The following METAP1D variants were observed in gnomAD, a reference collection of about 807,000 sequenced individuals.
The protein encoded by METAP1D is methionyl aminopeptidase type 1D, mitochondrial.
Under a neutral mutation model 40.5 loss-of-function variants are expected in METAP1D, and 31 were observed. The observed-to-expected ratio is 0.77, with a 90% CI of 0.58 to 1.03. The LOEUF is 1.03. METAP1D is among the 50% of genes least tolerant of loss of function. The pLI, the probability that METAP1D is intolerant of heterozygous loss-of-function variation, is 0.00. For missense variants in METAP1D, 411 were observed against 420.7 expected (o/e 0.98, Z 0.20); for synonymous variants, 151 against 146.4 (o/e 1.03, Z -0.22).
At chr2:172,072,678 CT>C (rs1465659759) in intron 6 of METAP1D, among the ~76,000 whole-genome samples, 1 of 151,826 alleles carries the variant, frequency 6.6e-6, no homozygotes, top group Non-Finnish European at 1.5e-5. Context: ...CCCTTTTTGT[CT>C]CTTCTTCCAT....
chr2:172,012,573 A>G (rs62183807), intron 1 of METAP1D, among the ~76,000 whole-genome samples: 36,207 of 152,156 alleles, frequency 0.24, 4,983 homozygotes, highest in Middle Eastern at 0.38. Context: ...CACTTTAAAG[A>G]AAAATCACAG....
At chr2:172,027,853 G>C (rs1334660816) in intron 1 of METAP1D, among the ~76,000 whole-genome samples, 1 of 152,156 alleles carries the variant, frequency 6.6e-6, no homozygotes, top group African/African-American at 2.4e-5. Flanking sequence ...AGAAAGTAAA[G>C]TCTAAACTAT....
rs1461260687 is a variant in METAP1D, at chr2:172,080,137, TCA to T, written c.862_863del (p.Thr288GlyfsTer5). 1.2e-6 allele frequency: 2 copies of T among 1,613,982 alleles called. No homozygotes were observed. Among genetic ancestry groups the T allele is most frequent in the African/African-American group, 1.3e-5 (1 of 74,942 alleles). On this transcript the variant is annotated frameshift_variant, in exon 9 of 10. Coordinates refer to ENST00000315796, the MANE Select transcript of METAP1D (RefSeq NM_199227.3). LOFTEE classifies it high-confidence loss of function. ...ATTTTTCCTCTTACAGAGCCAATCA[TCA>T]CGGAGGGATCCCCTGAATTTAAAGT...
chr2:172,063,836 C>G lies in METAP1D; in HGVS notation c.324C>G (p.Leu108=), dbSNP rs1367882116. Residue 108 remains leucine (L), a synonymous_variant, in exon 3 of 10, where the codon CTC becomes CTG. Transcript: ENST00000315796. The part of the protein sequence containing the change: ...HQACQLARHV[L]LLAGKSLKVD... Reference sequence around the variant, plus strand: ...CTTGTCAGCTGGCCCGCCACGTCCTCCTCTTGGCTGGGAAGAGTTTAAAGG... The same window carrying G: ...CTTGTCAGCTGGCCCGCCACGTCCTGCTCTTGGCTGGGAAGAGTTTAAAGG... The G allele has an allele frequency of 1.2e-6, 2 of 1,613,056 alleles. No individual in the cohort carries two copies. The highest frequency in any genetic ancestry group is 1.7e-6 in the Non-Finnish European group (2 of 1,179,626).
At chr2:172,003,721 T>C (rs1038981756) in intron 1 of METAP1D, among the ~76,000 whole-genome samples, 4 of 152,150 alleles carry the variant, frequency 2.6e-5, no homozygotes, top group African/African-American at 9.7e-5. Context: ...AATTTCTTCA[T>C]AGCAGTGTGA....
At chr2:172,016,327 AT>A (rs1688863487) in intron 1 of METAP1D, among the ~76,000 whole-genome samples, 3 of 101,862 alleles carry the variant, frequency 2.9e-5, no homozygotes, top group South Asian at 3.9e-4. Flanking sequence ...ATATATATAT[AT>A]ATAAATAGTC....
intron 3 of METAP1D, among the ~76,000 whole-genome samples, chr2:172,064,619 CA>C (rs35487971): frequency 0.35 from 36,461 of 103,102 alleles, 4,564 homozygotes; most frequent in East Asian, 0.6. Context: ...GACTCCATCT[CA>C]AAAAAAAAAA....
rs1175882141 is a variant in METAP1D, at chr2:172,080,902, C to G, written c.*496C>G. The G allele has an allele frequency of 5.8e-6, 1 of 172,768 alleles. No individual in the cohort carries two copies. The allele number at this position is 172,768 out of a possible 1,614,324, so 10.7% of individuals were successfully genotyped here. A position where few individuals can be genotyped will look rare whatever the true frequency, so the allele number is the denominator to read the frequency against. On this transcript the variant is annotated 3_prime_UTR_variant, in exon 10 of 10. Transcript: ENST00000315796. ...CTCCCTTTTGTGTATTCCATATTGGCCGGCCCCAAGGATGCTCGCAGAAGC... is the reference window on the plus strand; with the variant it reads ...CTCCCTTTTGTGTATTCCATATTGGGCGGCCCCAAGGATGCTCGCAGAAGC...
intron 1 of METAP1D, among the ~76,000 whole-genome samples, chr2:172,002,743 A>G (rs1688494433): frequency 6.6e-6 from 1 of 152,114 alleles, no homozygotes; most frequent in Non-Finnish European, 1.5e-5. Context: ...TCCTCTCTCC[A>G]CCCTCTTCCT....
At chr2:172,024,437 G>A (rs1279950466) in intron 1 of METAP1D, among the ~76,000 whole-genome samples, 1 of 151,976 alleles carries the variant, frequency 6.6e-6, no homozygotes, top group African/African-American at 2.4e-5. Flanking sequence ...AGGCCCAGGG[G>A]GTCTTTACAA....
chr2:172,059,887 A>G (rs1690095008), intron 1 of METAP1D, among the ~76,000 whole-genome samples: 1 of 152,090 alleles, frequency 6.6e-6, no homozygotes, highest in African/African-American at 2.4e-5. Flanking sequence ...CGTCTCTACT[A>G]AAAATACAAA....
chr2:172,063,649 A>G, intron 2 of METAP1D, 62 bp from the exon 3 acceptor site: 1 of 1,320,872 alleles, frequency 7.6e-7, no homozygotes, highest in Middle Eastern at 2.0e-4. Context: ...CTGTGTCTGA[A>G]AAAATGATCC....
At position 172,079,310 on chromosome 2, in the gene METAP1D, C is replaced by T. The variant is rs183654210; in HGVS notation, c.850+48C>T. Reference sequence around the variant, plus strand: ...GTGAGTGCGTAGCTCCTGGTGGAAGCTTTTGCCACTGGCCTAGGCCCGGCA... The same window carrying T: ...GTGAGTGCGTAGCTCCTGGTGGAAGTTTTTGCCACTGGCCTAGGCCCGGCA... On this transcript the variant is annotated intron_variant, in intron 8 of 9. Coordinates refer to ENST00000315796, the MANE Select transcript of METAP1D (RefSeq NM_199227.3). The T allele has an allele frequency of 4.4e-6, 7 of 1,593,212 alleles. No homozygotes were observed. In the African/African-American group the frequency reaches 9.4e-5, roughly 21 times the overall value.
At chr2:172,020,178 G>A (rs1688972441) in intron 1 of METAP1D, among the ~76,000 whole-genome samples, 2 of 152,072 alleles carry the variant, frequency 1.3e-5, no homozygotes, top group Admixed American at 1.3e-4. Context: ...GTAGAGATGG[G>A]GTGTCACCAT....
intron 1 of METAP1D, 35 bp downstream of exon 1, chr2:172,000,044 C>T: frequency 2.3e-6 from 3 of 1,277,272 alleles, no homozygotes; most frequent in Non-Finnish European, 3.0e-6. Flanking sequence ...TGAGGGTTCG[C>T]ACGGTTGCTC....
At chr2:172,011,962 GACA>G (rs1357708622) in intron 1 of METAP1D, among the ~76,000 whole-genome samples, 1 of 152,208 alleles carries the variant, frequency 6.6e-6, no homozygotes, top group African/African-American at 2.4e-5. Flanking sequence ...ACATCCACAA[GACA>G]ACGTTTATTA....
intron 1 of METAP1D, among the ~76,000 whole-genome samples, chr2:172,060,416 C>CAA (rs757713609): frequency 0.033 from 1,993 of 60,590 alleles, 36 homozygotes; most frequent in Admixed American, 0.11. Flanking sequence ...GACCCTGTCT[C>CAA]AAAAAAAAAA....
chr2:172,073,266 T>C (rs1319318242), intron 6 of METAP1D, among the ~76,000 whole-genome samples: 1 of 152,130 alleles, frequency 6.6e-6, no homozygotes, highest in Non-Finnish European at 1.5e-5. Flanking sequence ...CACACCAACA[T>C]GCAGGTGAAC....
At position 172,077,802 on chromosome 2, in the gene METAP1D, T is replaced by C. The variant is rs1164017988; in HGVS notation, c.710T>C (p.Ile237Thr). 4 of 1,594,522 alleles carry C rather than the reference T, an allele frequency of 2.5e-6. No homozygotes were observed. In the African/African-American group the frequency reaches 5.4e-5, roughly 21 times the overall value. ...FSVIGNTISH[I>T]THQNGFQVCP... Reference sequence around the variant, plus strand: ...TTTTTTGGTCACTTTTAAAGCCACATAACTCATCAGAATGGTTTTCAAGTC... The same window carrying C: ...TTTTTTGGTCACTTTTAAAGCCACACAACTCATCAGAATGGTTTTCAAGTC... Residue 237 changes from isoleucine (I) to threonine (T), a missense_variant, in exon 7 of 10, where the codon ATA (isoleucine) becomes ACA (threonine). Coordinates refer to ENST00000315796, the MANE Select transcript of METAP1D (RefSeq NM_199227.3).
Sources: gnomAD v4.1 joint callset for allele counts (sites outside exome capture counted in the v4.1 genomes callset) on GRCh38, gnomAD v4.1.1 for gene constraint, MANE v1.5 for transcripts, NCBI Gene and HGNC (gene_info 2026-07-23, HGNC 2026-07-21) for gene names.